Variants in ARFGAP1 observed in about 807,000 individuals in gnomAD.
The protein encoded by ARFGAP1 is ADP-ribosylation factor GTPase-activating protein 1.
Under a neutral mutation model 54.0 loss-of-function variants are expected in ARFGAP1, and 26 were observed. The observed-to-expected ratio is 0.48, with a 90% CI of 0.35 to 0.67. The LOEUF is 0.67. ARFGAP1 is among the 30% of genes least tolerant of loss of function. ARFGAP1 has a pLI of 0.00. For synonymous variants in ARFGAP1, 248 were observed against 211.9 expected (o/e 1.17, Z -1.48); for missense variants, 525 against 535.8 (o/e 0.98, Z 0.20).
chr20:63,286,240 C>T, intron 11 of ARFGAP1, 126 bp from the exon 12 acceptor site: 1 of 1,551,678 alleles, frequency 6.4e-7, no homozygotes, highest in South Asian at 1.2e-5. Flanking sequence ...CGAGGCACCC[C>T]TTGTTTCTGG....
intron 6 of ARFGAP1, chr20:63,278,422 G>T: frequency 4.7e-6 from 2 of 424,350 alleles, no homozygotes; most frequent in Non-Finnish European, 8.0e-6. Flanking sequence ...GGTGTGAATT[G>T]GGGGGTCTTA....
chr20:63,286,593 G>A, intron 12 of ARFGAP1, 151 bp downstream of exon 12: 1 of 766,942 alleles, frequency 1.3e-6, no homozygotes, highest in Admixed American at 2.6e-5. Context: ...CCTTGCTGGG[G>A]AGGGGGCACT....
chr20:63,287,734 C>T lies in ARFGAP1; in HGVS notation c.1082C>T (p.Ser361Leu), dbSNP rs774693025. 100 of 1,610,458 alleles carry T rather than the reference C, an allele frequency of 6.2e-5. No individual in the cohort carries two copies. The highest frequency in any genetic ancestry group is 2.8e-5 in the Non-Finnish European group (33 of 1,179,132). Residue 361 changes from serine (S) to leucine (L), a missense_variant, in exon 13 of 13, where the codon TCG (serine) becomes TTG (leucine). By Grantham distance (145) the Ser-to-Leu change is moderately radical (BLOSUM62 -2). Around this residue, in one of 3 missense-constraint regions of ARFGAP1, gnomAD observed 466 missense variants for 453.6 expected, o/e 1.03. Transcript: ENST00000370283. Reference protein sequence around the residue: ...CADTSTERRSSDSWEVWGSAS... With the variant: ...CADTSTERRSLDSWEVWGSAS... The stretch of plus-strand genomic sequence containing the variant: ...GACACCTCCACCGAGAGGAGGAGCT[C>T]GGACAGCTGGGAGGTGTGGGGCTCG...
At chr20:63,280,667 G>A (rs181956768) in intron 7 of ARFGAP1, among the ~76,000 whole-genome samples, 39 of 152,322 alleles carry the variant, frequency 2.6e-4, no homozygotes, top group Admixed American at 3.3e-4. Flanking sequence ...GAAGAAAAGC[G>A]CATTTTTCCA....
chr20:63,277,140 C>T (rs1023437776), intron 4 of ARFGAP1, 65 bp from the exon 5 acceptor site: 94 of 1,433,796 alleles, frequency 6.6e-5, no homozygotes, highest in African/African-American at 3.7e-4. Flanking sequence ...GCGCTGGAGT[C>T]GACGGTGCCC....
At position 63,287,464 on chromosome 20, in the gene ARFGAP1, A is replaced by T. The variant is rs2067588418; in HGVS notation, c.912-100A>T. 2.6e-6 allele frequency: 3 copies of T among 1,153,262 alleles called. No homozygotes were observed. In the East Asian group the frequency reaches 7.6e-5, roughly 29 times the overall value. The allele number at this position is 1,153,262 out of a possible 1,614,324, so 71.4% of individuals were successfully genotyped here. A position where few individuals can be genotyped will look rare whatever the true frequency, so the allele number is the denominator to read the frequency against. ...GTGGACCCTGAGCGCTGGCCTGGGAAGGCGGTCACTGTCCAGGTGCAGAGC... is the reference window on the plus strand; with the variant it reads ...GTGGACCCTGAGCGCTGGCCTGGGATGGCGGTCACTGTCCAGGTGCAGAGC... On this transcript the variant is annotated intron_variant, in intron 12 of 12. Coordinates refer to ENST00000370283, the MANE Select transcript of ARFGAP1 (RefSeq NM_018209.4).
intron 11 of ARFGAP1, 59 bp downstream of exon 11, chr20:63,285,772 C>T: frequency 1.3e-6 from 2 of 1,590,058 alleles, no homozygotes; most frequent in Non-Finnish European, 1.7e-6. Flanking sequence ...TTCCACGGCC[C>T]TGGGCGTGAG....
intron 8 of ARFGAP1, 32 bp from the exon 9 acceptor site, chr20:63,282,787 C>CT: frequency 6.2e-7 from 1 of 1,613,804 alleles, no homozygotes; most frequent in Non-Finnish European, 8.5e-7. Context: ...CATGTTAAGT[C>CT]TGTCAAGCCT....
At chr20:63,273,485 G>A (rs1453392636) in intron 1 of ARFGAP1, 1 of 152,230 alleles carries the variant, frequency 6.6e-6, no homozygotes, top group African/African-American at 2.4e-5. Context: ...TATTTTTCAA[G>A]ATAAACTATA....
chr20:63,285,953 C>T (rs749124469), intron 11 of ARFGAP1: 37 of 1,500,776 alleles, frequency 2.5e-5, no homozygotes, highest in Non-Finnish European at 3.3e-5. Context: ...TATCTTGCTG[C>T]TGCTGGCCTT....
At chr20:63,283,867 A>G in intron 9 of ARFGAP1, 1 of 1,613,688 alleles carries the variant, frequency 6.2e-7, no homozygotes, top group Non-Finnish European at 8.5e-7. Flanking sequence ...GGTCACAAGC[A>G]GCAGCCGGAG....
At position 63,276,857 on chromosome 20, in the gene ARFGAP1, C is replaced by T; in HGVS notation, c.342+206C>T. On this transcript the variant is annotated intron_variant, in intron 4 of 12. Coordinates refer to ENST00000370283, the MANE Select transcript of ARFGAP1 (RefSeq NM_018209.4). The surrounding 1 kb of genome is among the most constrained non-coding windows in gnomAD (Gnocchi z 5.2). ...TGGCTTGCGGGGGGAGACAGACCTT[C>T]CCCGCCTCCAGGGGAGAAAGCAGCT... The T allele has an allele frequency of 1.7e-6, 1 of 580,712 alleles. No individual in the cohort carries two copies. 36.0% of individuals were successfully genotyped at this position (580,712 alleles called of 1,614,324 possible).
At chr20:63,285,191 C>T (rs2067497152) in intron 10 of ARFGAP1, among the ~76,000 whole-genome samples, 1 of 151,834 alleles carries the variant, frequency 6.6e-6, no homozygotes, top group African/African-American at 2.4e-5. Flanking sequence ...CTCACCCCTA[C>T]AGCTGGCCCC....
Position 63,287,977 on chromosome 20 carries a change from A to T in ARFGAP1, c.*104A>T. On this transcript the variant is annotated 3_prime_UTR_variant, in exon 13 of 13. Coordinates refer to ENST00000370283, the MANE Select transcript of ARFGAP1 (RefSeq NM_018209.4). ...ATTTGACCCAAGAATCAGCAACTGCAGTGTGAGGACAGCGTCTCGGGAGGC... is the reference window on the plus strand; with the variant it reads ...ATTTGACCCAAGAATCAGCAACTGCTGTGTGAGGACAGCGTCTCGGGAGGC... 1 of 1,293,934 alleles carries T rather than the reference A, an allele frequency of 7.7e-7. No homozygotes were observed. The highest frequency in any genetic ancestry group is 1.0e-6 in the Non-Finnish European group (1 of 966,318). 80.2% of individuals were successfully genotyped at this position (1,293,934 alleles called of 1,614,324 possible). A position where few individuals can be genotyped will look rare whatever the true frequency, so the allele number is the denominator to read the frequency against.
intron 7 of ARFGAP1, among the ~76,000 whole-genome samples, chr20:63,280,660 G>A (rs924250260): frequency 6.6e-6 from 1 of 152,226 alleles, no homozygotes; most frequent in African/African-American, 2.4e-5. Flanking sequence ...CTTTAGGGAA[G>A]AAAAGCGCAT....
At chr20:63,279,360 C>T in intron 7 of ARFGAP1, 1 of 375,088 alleles carries the variant, frequency 2.7e-6, no homozygotes, top group South Asian at 2.0e-5. Flanking sequence ...CACCTACTAT[C>T]ACGTCAGGCT....
At chr20:63,285,440 GCCA>G in intron 10 of ARFGAP1, 3 of 602,542 alleles carry the variant, frequency 5.0e-6, no homozygotes, top group Non-Finnish European at 8.8e-6. Flanking sequence ...GCCGGCAGGG[GCCA>G]CGTTTGCAGA....
intron 1 of ARFGAP1, chr20:63,273,512 T>C (rs1043810105): frequency 6.6e-6 from 1 of 152,244 alleles, no homozygotes; most frequent in Non-Finnish European, 1.5e-5. Flanking sequence ...CTTTTGAAGG[T>C]TAGGAGGTAT....
chr20:63,285,873 G>A (rs1016878317), intron 11 of ARFGAP1, 160 bp downstream of exon 11: 83 of 1,423,148 alleles, frequency 5.8e-5, no homozygotes, highest in African/African-American at 1.1e-4. Flanking sequence ...CTGACAGCCC[G>A]AGGGATATGG....
Sources: gnomAD v4.1 joint callset for allele counts (sites outside exome capture counted in the v4.1 genomes callset) on GRCh38, gnomAD v4.1.1 for gene constraint, gnomAD v4.1.1 regional missense constraint, Gnocchi (gnomAD v3.1) non-coding constraint, MANE v1.5 for transcripts, NCBI Gene and HGNC (gene_info 2026-07-23, HGNC 2026-07-21) for gene names.